The following NCAM2 variants were observed in gnomAD, a reference collection of about 807,000 sequenced individuals.
NCAM2 encodes the protein neural cell adhesion molecule 2.
A neutral mutation model predicts 98.1 loss-of-function variants in NCAM2; 30 were observed. The ratio of observed to expected loss-of-function variants is 0.31; its 90% CI spans 0.23 to 0.41. The LOEUF is 0.41. NCAM2 is among the 10% of genes least tolerant of loss of function. The pLI is 1.00. For synonymous variants in NCAM2, 368 were observed against 342.4 expected (o/e 1.07, Z -0.83); for missense variants, 867 against 1,005.8 (o/e 0.86, Z 1.87).
At chr21:21,078,114 A>G (rs985487974) in intron 1 of NCAM2, among the ~76,000 whole-genome samples, 2 of 152,158 alleles carry the variant, frequency 1.3e-5, no homozygotes, top group South Asian at 4.1e-4. Context: ...CTCACTTATA[A>G]GGGGAGTTTA....
At chr21:21,300,024 T>A (rs1180460128) in intron 5 of NCAM2, among the ~76,000 whole-genome samples, 1 of 152,006 alleles carries the variant, frequency 6.6e-6, no homozygotes, top group Non-Finnish European at 1.5e-5. Context: ...TTTAAAAAAA[T>A]TGTTCTATTT....
At chr21:21,433,134 C>G (rs1301604950) in intron 12 of NCAM2, among the ~76,000 whole-genome samples, 1 of 152,170 alleles carries the variant, frequency 6.6e-6, no homozygotes, top group East Asian at 1.9e-4. Context: ...GTTGACCCTA[C>G]TTTATCAGTT....
At chr21:21,514,893 C>G (rs76776604) in intron 16 of NCAM2, among the ~76,000 whole-genome samples, 1 of 152,130 alleles carries the variant, frequency 6.6e-6, no homozygotes, top group African/African-American at 2.4e-5. Flanking sequence ...TTATTAACCA[C>G]TAAATCTTTG....
chr21:21,527,578 C>A (rs1158932773), intron 16 of NCAM2, among the ~76,000 whole-genome samples: 1 of 151,922 alleles, frequency 6.6e-6, no homozygotes, highest in African/African-American at 2.4e-5. Flanking sequence ...AGAACATATA[C>A]AAATAGTAAA....
intron 12 of NCAM2, among the ~76,000 whole-genome samples, chr21:21,443,544 A>G (rs1301159606): frequency 6.6e-6 from 1 of 152,112 alleles, no homozygotes; most frequent in Non-Finnish European, 1.5e-5. Context: ...CAATGAGTAA[A>G]GGATTCATTT....
intron 9 of NCAM2, among the ~76,000 whole-genome samples, chr21:21,375,382 G>A (rs1040214097): frequency 1.3e-5 from 2 of 151,328 alleles, no homozygotes; most frequent in Admixed American, 6.6e-5. Flanking sequence ...AACAATAAAA[G>A]GCAACTTGAT....
chr21:21,023,530 A>G (rs2064480027), intron 1 of NCAM2, among the ~76,000 whole-genome samples: 1 of 152,056 alleles, frequency 6.6e-6, no homozygotes, highest in Non-Finnish European at 1.5e-5. Flanking sequence ...TTAAAAAAAA[A>G]AAAAGAAGAA....
chr21:21,341,360 T>C (rs1388798981), intron 8 of NCAM2, among the ~76,000 whole-genome samples: 1 of 152,118 alleles, frequency 6.6e-6, no homozygotes, highest in Non-Finnish European at 1.5e-5. Context: ...TTAAATAAAC[T>C]CATCAGTTGG....
chr21:21,410,909 A>C (rs2145915653), intron 10 of NCAM2, among the ~76,000 whole-genome samples: 1 of 148,030 alleles, frequency 6.8e-6, no homozygotes, highest in South Asian at 2.2e-4. Flanking sequence ...CAGGAGGCTG[A>C]GGCAGGAGAA....
intron 14 of NCAM2, among the ~76,000 whole-genome samples, chr21:21,472,211 A>T (rs915122948): frequency 2.0e-5 from 3 of 152,004 alleles, no homozygotes; most frequent in Non-Finnish European, 4.4e-5. Flanking sequence ...AATAATTGGT[A>T]GCTTAAAATC....
rs2826892 is a variant in NCAM2 at position 21,538,469 on chromosome 21, A to C, written c.*512A>C. 30,381 of 152,456 alleles carry C rather than the reference A, an allele frequency of 0.2. 3,675 individuals carry two copies. Among genetic ancestry groups the C allele is most frequent in the African/African-American group, 0.33 (13,712 of 41,456 alleles). 9.4% of individuals were successfully genotyped at this position (152,456 alleles called of 1,614,324 possible). On this transcript the variant is annotated 3_prime_UTR_variant, in exon 18 of 18. Coordinates refer to ENST00000400546, the MANE Select transcript of NCAM2 (RefSeq NM_004540.5). ...GGGAATTTCAGGGAACGTAGGCGTC[A>C]AAGAGCCAGTTATCTTTAGCAGATA... is the stretch of plus-strand genomic sequence containing the variant.
At chr21:21,233,856 G>A (rs9985032) in intron 1 of NCAM2, among the ~76,000 whole-genome samples, 10,634 of 151,696 alleles carry the variant, frequency 0.07, 741 homozygotes, top group East Asian at 0.34. Context: ...TCTTAGAATA[G>A]AAGTAATAGA....
intron 1 of NCAM2, among the ~76,000 whole-genome samples, chr21:21,080,335 G>T: frequency 6.6e-6 from 1 of 152,074 alleles, no homozygotes; most frequent in East Asian, 1.9e-4. Context: ...AAGACTTCCT[G>T]GTGGGGCATG....
At chr21:21,536,541 G>A (rs947014924) in intron 17 of NCAM2, among the ~76,000 whole-genome samples, 1 of 151,860 alleles carries the variant, frequency 6.6e-6, no homozygotes. Context: ...ACAGGCGCAC[G>A]CTGCCACACC....
intron 1 of NCAM2, among the ~76,000 whole-genome samples, chr21:21,155,366 A>C (rs1393653478): frequency 6.6e-6 from 1 of 151,680 alleles, no homozygotes; most frequent in Non-Finnish European, 1.5e-5. Context: ...TTCTCATTTT[A>C]ATAGCAGCTC....
intron 8 of NCAM2, among the ~76,000 whole-genome samples, chr21:21,367,026 T>A (rs576258319): frequency 6.6e-6 from 1 of 152,132 alleles, no homozygotes; most frequent in African/African-American, 2.4e-5. Context: ...GTATCGCTGT[T>A]CACAGGGTGA....
At chr21:21,436,584 CG>C (rs1978357043) in intron 12 of NCAM2, among the ~76,000 whole-genome samples, 1 of 151,874 alleles carries the variant, frequency 6.6e-6, no homozygotes, top group African/African-American at 2.4e-5. Flanking sequence ...GAGTGGACCT[CG>C]TATGCCTTGT....
intron 8 of NCAM2, among the ~76,000 whole-genome samples, chr21:21,349,212 G>T (rs1283027139): frequency 6.6e-6 from 1 of 152,020 alleles, no homozygotes; most frequent in East Asian, 1.9e-4. Flanking sequence ...AATATATATG[G>T]AGCTCAAATA....
chr21:21,077,950 G>T (rs1022737782), intron 1 of NCAM2, among the ~76,000 whole-genome samples: 5 of 151,928 alleles, frequency 3.3e-5, no homozygotes, highest in Non-Finnish European at 7.4e-5. Context: ...AATTTTGGAG[G>T]TTACTTTATT....
Sources: gnomAD v4.1 joint callset for allele counts (sites outside exome capture counted in the v4.1 genomes callset) on GRCh38, gnomAD v4.1.1 for gene constraint, MANE v1.5 for transcripts, NCBI Gene and HGNC (gene_info 2026-07-23, HGNC 2026-07-21) for gene names.